Variants in C9orf43 observed in about 807,000 individuals in gnomAD.
The protein encoded by C9orf43 is uncharacterized protein C9orf43.
C9orf43 carries 45 observed loss-of-function variants against 59.1 expected under a neutral mutation model. The ratio of observed to expected loss-of-function variants is 0.76; its 90% CI spans 0.60 to 0.98. The LOEUF is 0.98. Ranked by LOEUF, C9orf43 falls within the 50% of genes least tolerant of loss-of-function variation. The pLI, the probability that C9orf43 is intolerant of heterozygous loss-of-function variation, is 0.00. For missense variants in C9orf43, 533 were observed against 554.9 expected (o/e 0.96, Z 0.40); for synonymous variants, 203 against 196.8 (o/e 1.03, Z -0.26).
Position 113,429,582 on chromosome 9 carries a change from A to G in C9orf43, c.*196A>G. On this transcript the variant is annotated 3_prime_UTR_variant, in exon 14 of 14. Coordinates refer to ENST00000374165, the MANE Select transcript of C9orf43 (RefSeq NM_001278629.2). ...TCTTTGTTCACCTCTACTTGCCTCT[A>G]AAATAAATGTAGGAGAAAAATCCCC... The G allele has an allele frequency of 1.9e-6, 1 of 528,076 alleles. No individual in the cohort carries two copies. The highest frequency in any genetic ancestry group is 3.3e-6 in the Non-Finnish European group (1 of 299,962). 32.7% of individuals were successfully genotyped at this position (528,076 alleles called of 1,614,324 possible).
intron 11 of C9orf43, 142 bp from the exon 12 acceptor site, chr9:113,428,005 T>C: frequency 1.4e-6 from 1 of 737,416 alleles, no homozygotes; most frequent in Non-Finnish European, 2.4e-6. Flanking sequence ...ACTCAGAAGG[T>C]CTAACTACCT....
intron 6 of C9orf43, 41 bp from the exon 7 acceptor site, chr9:113,423,285 A>G: frequency 6.2e-7 from 1 of 1,600,542 alleles, no homozygotes; most frequent in South Asian, 1.1e-5. Flanking sequence ...CTAGGCTAAA[A>G]AGAATGCTTT....
chr9:113,426,235 C>T (rs1247119100), intron 11 of C9orf43, among the ~76,000 whole-genome samples: 2 of 152,146 alleles, frequency 1.3e-5, no homozygotes, highest in African/African-American at 2.4e-5. Context: ...TAGCCCCATC[C>T]AGGAGTCAGG....
At chr9:113,420,716 C>T in intron 4 of C9orf43, 1 of 972,784 alleles carries the variant, frequency 1.0e-6, no homozygotes, top group Non-Finnish European at 1.2e-6. Flanking sequence ...CTGTTTCTAT[C>T]AGTTCTCTTC....
rs1336829363 is a variant in C9orf43 at position 113,413,597 on chromosome 9, A to G, written c.104A>G (p.His35Arg). ...WATIRRIERG[H>R]PRILGSSCKT... The stretch of plus-strand genomic sequence containing the variant: ...ACTATCCGCCGCATTGAGAGGGGCC[A>G]TCCTCGAATCCTCGGCTCATCCTGC... Residue 35 changes from histidine to arginine, a missense_variant, in exon 2 of 14, where the codon CAT (histidine) becomes CGT (arginine). By Grantham distance (29) the His-to-Arg change is conservative. Transcript: ENST00000374165. 2 of 1,614,264 alleles carry G rather than the reference A, an allele frequency of 1.2e-6. No individual in the cohort carries two copies. Among genetic ancestry groups the G allele is most frequent in the East Asian group, 2.2e-5 (1 of 44,894 alleles).
chr9:113,413,744 G>T lies in C9orf43; in HGVS notation c.152-15G>T, dbSNP rs1007331891. ...GCAGCAGGTTAACATGTTTTCTTCT[G>T]GTCTGCCTTCTTAGATAAACTCCCA... On this transcript the variant is annotated splice_polypyrimidine_tract_variant and intron_variant, in intron 2 of 13. Coordinates refer to ENST00000374165, the MANE Select transcript of C9orf43 (RefSeq NM_001278629.2). 1.2e-6 allele frequency: 2 copies of T among 1,613,338 alleles called. No individual in the cohort carries two copies. Among genetic ancestry groups the T allele is most frequent in the Non-Finnish European group, 1.7e-6 (2 of 1,179,716 alleles).
chr9:113,428,528 T>C (rs1679669411), intron 12 of C9orf43, among the ~76,000 whole-genome samples: 1 of 152,184 alleles, frequency 6.6e-6, no homozygotes. Flanking sequence ...TAAAACAGTG[T>C]TACTTGTGCC....
At chr9:113,426,258 G>T (rs1828788281) in intron 11 of C9orf43, among the ~76,000 whole-genome samples, 1 of 152,180 alleles carries the variant, frequency 6.6e-6, no homozygotes, top group African/African-American at 2.4e-5. Context: ...GCCAACTCTT[G>T]TCAGGCAGTT....
Position 113,421,221 on chromosome 9 carries a change from A to C in C9orf43, c.446+18A>C. ...CATGTGAGGTGAGTATCATATCTGG[A>C]ACTCAGAGGACTTTGACTCTATAAA... On this transcript the variant is annotated intron_variant, in intron 5 of 13. Transcript: ENST00000374165. The C allele has an allele frequency of 6.5e-7, 1 of 1,544,688 alleles. No individual in the cohort carries two copies. The highest frequency in any genetic ancestry group is 9.0e-7 in the Non-Finnish European group (1 of 1,117,290).
chr9:113,428,469 C>T (rs1206553721), intron 12 of C9orf43, among the ~76,000 whole-genome samples: 1 of 147,672 alleles, frequency 6.8e-6, no homozygotes, highest in African/African-American at 2.7e-5. Context: ...ATAGTAGTCT[C>T]ATGAAAGCAG....
chr9:113,422,680 T>C lies in C9orf43; in HGVS notation c.483+95T>C, dbSNP rs1405532958. On this transcript the variant is annotated intron_variant, in intron 6 of 13. Transcript: ENST00000374165. The stretch of plus-strand genomic sequence containing the variant: ...GTCTCCTCCACCTTACCCCCGTTCT[T>C]TCCTGAAATGATCCAAATCTGCTAA... 2.8e-6 allele frequency: 4 copies of C among 1,407,330 alleles called. No homozygotes were observed. In the African/African-American group the frequency reaches 5.8e-5, roughly 20 times the overall value. The allele number at this position is 1,407,330 out of a possible 1,614,324, so 87.2% of individuals were successfully genotyped here.
At chr9:113,411,974 C>G (rs977643273) in intron 1 of C9orf43, among the ~76,000 whole-genome samples, 5 of 152,232 alleles carry the variant, frequency 3.3e-5, no homozygotes, top group Non-Finnish European at 7.3e-5. Flanking sequence ...GGCGCCCAGC[C>G]TCCCACTGAG....
At chr9:113,424,684 G>A (rs1015098129) in intron 8 of C9orf43, among the ~76,000 whole-genome samples, 4 of 152,078 alleles carry the variant, frequency 2.6e-5, no homozygotes, top group Non-Finnish European at 4.4e-5. Context: ...GCGCCACCAT[G>A]GCTGGCTAAT....
At chr9:113,426,618 A>ATG (rs1371823873) in intron 11 of C9orf43, among the ~76,000 whole-genome samples, 1 of 152,080 alleles carries the variant, frequency 6.6e-6, no homozygotes, top group Non-Finnish European at 1.5e-5. Context: ...ATCTGCTCTA[A>ATG]CCTGAAGGTT....
At chr9:113,422,694 C>T (rs1828627442) in intron 6 of C9orf43, 109 bp downstream of exon 6, 1 of 1,267,272 alleles carries the variant, frequency 7.9e-7, no homozygotes, top group African/African-American at 1.5e-5. Context: ...TGAAATGATC[C>T]AAATCTGCTA....
rs1180634581 is a variant in C9orf43, at chr9:113,423,458, T to C, written c.616T>C (p.Trp206Arg). ...EQFSSDFLPL[W>R]AQSEALPQDL... is the part of the protein sequence containing the mutation. ...ATTCAGTTCAGATTTCCTACCTCTC[T>C]GGGCTCAATCCGAAGCGTTACCTCA... The change falls in exon 7 of 14, where the codon TGG becomes CGG. Residue 206 changes from tryptophan to arginine, a missense_variant. By Grantham distance (101) the Trp-to-Arg change is moderately radical. Coordinates refer to ENST00000374165, the MANE Select transcript of C9orf43 (RefSeq NM_001278629.2). The C allele has an allele frequency of 1.2e-6, 2 of 1,614,100 alleles. No individual in the cohort carries two copies. The highest frequency in any genetic ancestry group is 1.7e-6 in the Non-Finnish European group (2 of 1,179,960).
At chr9:113,418,975 T>C in intron 3 of C9orf43, 133 bp from the exon 4 acceptor site, 1 of 651,524 alleles carries the variant, frequency 1.5e-6, no homozygotes, top group Non-Finnish European at 2.6e-6. Flanking sequence ...TATGGTGAGA[T>C]CCTACATTCA....
chr9:113,414,654 C>G (rs1828293962), intron 3 of C9orf43, among the ~76,000 whole-genome samples: 1 of 152,046 alleles, frequency 6.6e-6, no homozygotes, highest in African/African-American at 2.4e-5. Context: ...ACAAGGACAC[C>G]AGTCTTACTG....
chr9:113,420,788 G>A (rs1828532526), intron 4 of C9orf43: 1 of 985,222 alleles, frequency 1.0e-6, no homozygotes, highest in African/African-American at 1.7e-5. Context: ...GGAGTGGGCA[G>A]GATAAGTAAT....
Sources: gnomAD v4.1 joint callset for allele counts (sites outside exome capture counted in the v4.1 genomes callset) on GRCh38, gnomAD v4.1.1 for gene constraint, MANE v1.5 for transcripts, NCBI Gene and HGNC (gene_info 2026-07-23, HGNC 2026-07-21) for gene names.